Variants in ANO2 observed in about 807,000 individuals in gnomAD.
ANO2 encodes the protein anoctamin 2, also known as anoctamin-2.
In ANO2, 101 loss-of-function variants were observed where a neutral mutation model predicts 124.2. The ratio of observed to expected loss-of-function variants is 0.81; its 90% CI spans 0.69 to 0.96. The LOEUF is 0.96. Among genes scored for constraint, ANO2 ranks in the 40% least tolerant of loss-of-function variants. The pLI is 0.00. For missense variants in ANO2, 1,293 were observed against 1,274.5 expected, an observed-to-expected ratio of 1.01 and a Z score of -0.22; for synonymous variants, 486 against 482.5, an observed-to-expected ratio of 1.01 and a Z score of -0.09.
chr12:5,765,505 AT>A (rs1312269927), intron 10 of ANO2, among the ~76,000 whole-genome samples: 1 of 152,258 alleles, frequency 6.6e-6, no homozygotes, highest in African/African-American at 2.4e-5. Context: ...CTTTTGTGGT[AT>A]AACAGAGATC....
chr12:5,804,136 C>T (rs1220777585), intron 9 of ANO2, among the ~76,000 whole-genome samples: 1 of 152,096 alleles, frequency 6.6e-6, no homozygotes, highest in Non-Finnish European at 1.5e-5. Flanking sequence ...GCAACCACCT[C>T]GAAGAACACT....
intron 10 of ANO2, among the ~76,000 whole-genome samples, chr12:5,785,201 T>C (rs1470252380): frequency 2.0e-5 from 3 of 151,888 alleles, no homozygotes; most frequent in African/African-American, 4.8e-5. Flanking sequence ...CTGGGATGGA[T>C]TGGTAAAGAC....
chr12:5,698,337 G>A (rs1304480747), intron 14 of ANO2, among the ~76,000 whole-genome samples: 2 of 152,206 alleles, frequency 1.3e-5, no homozygotes, highest in African/African-American at 4.8e-5. Context: ...GGCAAACAGG[G>A]TCTGGAGTGG....
At position 5,603,862 on chromosome 12, in the gene ANO2, A is replaced by G. The variant is rs149336317; in HGVS notation, c.2088-4233T>C. On this transcript the variant is annotated intron_variant, in intron 19 of 24. Coordinates refer to ENST00000682330, the MANE Select transcript of ANO2 (RefSeq NM_001364791.2). Reference sequence around the variant, plus strand: ...CGGGAGGCTGAGGCAGGAGAATGGCATGAACCCGGGAGGCGGAGGTTGCAG... The same window carrying G: ...CGGGAGGCTGAGGCAGGAGAATGGCGTGAACCCGGGAGGCGGAGGTTGCAG... Among the ~76,000 whole-genome samples the G allele has an allele frequency of 6.8e-3, 1,010 of 149,342 alleles. 8 individuals carry two copies. Among genetic ancestry groups the G allele is most frequent in the African/African-American group, 0.022 (902 of 40,524 alleles).
At chr12:5,795,165 G>A (rs1046089145) in intron 10 of ANO2, among the ~76,000 whole-genome samples, 18 of 152,216 alleles carry the variant, frequency 1.2e-4, no homozygotes, top group Non-Finnish European at 2.1e-4. Context: ...GATCCCATTC[G>A]TGGCATGTCA....
intron 11 of ANO2, among the ~76,000 whole-genome samples, chr12:5,750,342 C>T (rs943520239): frequency 6.6e-6 from 1 of 152,208 alleles, no homozygotes; most frequent in Admixed American, 6.5e-5. Flanking sequence ...CAGTTTCTGA[C>T]TTCCTGAAAC....
At chr12:5,860,787 T>C (rs1330332270) in intron 3 of ANO2, among the ~76,000 whole-genome samples, 1 of 152,166 alleles carries the variant, frequency 6.6e-6, no homozygotes, top group Admixed American at 6.5e-5. Flanking sequence ...GCCGTTCCCT[T>C]TCCTAGAGGC....
chr12:5,694,251 C>CAGACAGAGAGAGAGAGAGAGAGAGAG (rs1555137018), intron 14 of ANO2, among the ~76,000 whole-genome samples: 126 of 133,944 alleles, frequency 9.4e-4, no homozygotes, highest in African/African-American at 3.6e-3. Context: ...TTACCAGAGA[C>CAGACAGAGAGAGAGAGAGAGAGAGAG]AGAGAGAGAG....
chr12:5,577,977 C>A lies in ANO2; in HGVS notation c.2417G>T (p.Gly806Val), dbSNP rs753059380. ...GIWFDILSGI[G>V]KFSVISNAFV... Reference sequence around the variant, plus strand: ...TACGTTGCTGATAACAGAGAACTTGCCAATTCCAGAGAGAATGTCAAACCA... The same window carrying A: ...TACGTTGCTGATAACAGAGAACTTGACAATTCCAGAGAGAATGTCAAACCA... Residue 806 changes from glycine to valine, a missense_variant, in exon 22 of 25, where the codon GGC becomes GTC. Physicochemically the swap from Gly to Val is moderately radical, Grantham distance 109. Coordinates refer to ENST00000682330, the MANE Select transcript of ANO2 (RefSeq NM_001364791.2). 5 of 1,613,758 alleles carry A rather than the reference C, an allele frequency of 3.1e-6. 1 individual carries two copies. In the African/African-American group the frequency reaches 6.7e-5, roughly 22 times the overall value.
intron 3 of ANO2, among the ~76,000 whole-genome samples, chr12:5,888,499 G>A (rs1283706180): frequency 6.6e-6 from 1 of 152,140 alleles, no homozygotes; most frequent in Non-Finnish European, 1.5e-5. Context: ...GAGCCAATTG[G>A]TCTATTTTAC....
At chr12:5,851,386 C>T (rs1289352321) in intron 4 of ANO2, among the ~76,000 whole-genome samples, 1 of 152,056 alleles carries the variant, frequency 6.6e-6, no homozygotes, top group Non-Finnish European at 1.5e-5. Context: ...GGCAGAAAGA[C>T]AAGAGATGTA....
chr12:5,812,394 A>G (rs1245554064), intron 7 of ANO2, among the ~76,000 whole-genome samples: 3 of 137,040 alleles, frequency 2.2e-5, no homozygotes, highest in African/African-American at 8.4e-5. Context: ...AAAGAAGGGA[A>G]GGAAGGAAGG....
rs1464253510 is a variant in ANO2, at chr12:5,636,682, GTA to G, written c.1621-1337_1621-1336del. 6.6e-6 allele frequency among the ~76,000 whole-genome samples: 1 copy of G among 151,030 alleles called. No homozygotes were observed. The highest frequency in any genetic ancestry group is 2.4e-5 in the African/African-American group (1 of 41,044). On this transcript the variant is annotated intron_variant, in intron 15 of 24. Transcript: ENST00000682330. This position sits in a 1 kb window ranked among gnomAD's most constrained non-coding sequence, Gnocchi z 4.6. ...CAGGGAGGGAGGCAGGAAGGAGGGG[GTA>G]AGAGGAGGGGAGGAGAGGCACAGGA... is the stretch of plus-strand genomic sequence containing the variant.
At chr12:5,600,555 G>A (rs1204567631) in intron 19 of ANO2, among the ~76,000 whole-genome samples, 1 of 152,080 alleles carries the variant, frequency 6.6e-6, no homozygotes, top group East Asian at 1.9e-4. Context: ...CACAATATCT[G>A]GACACAGTAA....
intron 4 of ANO2, among the ~76,000 whole-genome samples, chr12:5,837,451 A>G (rs1416378653): frequency 6.8e-6 from 1 of 147,906 alleles, no homozygotes; most frequent in Non-Finnish European, 1.5e-5. Context: ...AGCATTAGGT[A>G]TATCTCCCGA....
At chr12:5,693,904 C>T (rs1440433031) in intron 14 of ANO2, among the ~76,000 whole-genome samples, 1 of 152,198 alleles carries the variant, frequency 6.6e-6, no homozygotes, top group South Asian at 2.1e-4. Flanking sequence ...CCCTACCAGC[C>T]TCTTCACTTT....
intron 7 of ANO2, among the ~76,000 whole-genome samples, chr12:5,812,436 AAGAG>A (rs1322146071): frequency 3.0e-5 from 4 of 131,392 alleles, no homozygotes; most frequent in Non-Finnish European, 3.2e-5. Flanking sequence ...AAGCAAAAGA[AAGAG>A]AGAAAGGAAG....
chr12:5,714,722 G>A (rs959198577), intron 14 of ANO2, among the ~76,000 whole-genome samples: 2 of 151,726 alleles, frequency 1.3e-5, no homozygotes, highest in Non-Finnish European at 1.5e-5. Context: ...TTTTAGACAC[G>A]ATTAAGAATT....
intron 1 of ANO2, among the ~76,000 whole-genome samples, chr12:5,937,845 G>T (rs182549162): frequency 1.2e-3 from 181 of 152,168 alleles, no homozygotes; most frequent in African/African-American, 4.2e-3. Flanking sequence ...GTTCTTCAGG[G>T]ACCATCCAGA....
Sources: allele counts gnomAD v4.1 joint callset (sites outside exome capture counted in the v4.1 genomes callset), GRCh38; gene constraint gnomAD v4.1.1; non-coding constraint Gnocchi (gnomAD v3.1); transcripts MANE v1.5; gene names NCBI Gene and HGNC (gene_info 2026-07-23, HGNC 2026-07-21).